The following ZSWIM5 variants were observed in gnomAD, a reference collection of about 807,000 sequenced individuals.
The protein encoded by ZSWIM5 is zinc finger SWIM-type containing 5.
In ZSWIM5, 55 loss-of-function variants were observed where a neutral mutation model predicts 119.6. That is an observed-to-expected ratio of 0.46 (90% confidence interval 0.37 to 0.58). The LOEUF (loss-of-function observed/expected upper bound fraction) is 0.58, where lower values mean the gene tolerates loss of function less well. ZSWIM5 is among the 20% of genes least tolerant of loss of function. ZSWIM5 has a pLI of 0.00. For synonymous variants in ZSWIM5, 537 were observed against 606.9 expected (o/e 0.88, Z 1.69); for missense variants, 1,193 against 1,512.8 (o/e 0.79, Z 3.51).
intron 11 of ZSWIM5, among the ~76,000 whole-genome samples, chr1:45,025,951 A>G (rs1184537735): frequency 6.6e-6 from 1 of 152,210 alleles, no homozygotes; most frequent in African/African-American, 2.4e-5. Context: ...GATGCTGAAT[A>G]AAAGTGGCAA....
chr1:45,164,277 T>C (rs1460175153), intron 1 of ZSWIM5, among the ~76,000 whole-genome samples: 1 of 152,100 alleles, frequency 6.6e-6, no homozygotes, highest in African/African-American at 2.4e-5. Flanking sequence ...TGCTGAGAGA[T>C]TTTGTCACCA....
At chr1:45,052,967 C>CA (rs1645098437) in intron 4 of ZSWIM5, among the ~76,000 whole-genome samples, 1 of 151,294 alleles carries the variant, frequency 6.6e-6, no homozygotes, top group Non-Finnish European at 1.5e-5. Context: ...ACTAAAAATA[C>CA]AAAAAATTAG....
Position 45,136,136 on chromosome 1 carries a change from C to T in ZSWIM5, c.596-47899G>A, listed in dbSNP as rs146988416. On this transcript the variant is annotated intron_variant, in intron 1 of 13. Coordinates refer to ENST00000359600, the MANE Select transcript of ZSWIM5 (RefSeq NM_020883.2). ...TCAGCCTCCCAAAGTGCTAGGATTACAGGCGTGAGCCACTGTGCCCAGCCT... is the reference window on the plus strand; with the variant it reads ...TCAGCCTCCCAAAGTGCTAGGATTATAGGCGTGAGCCACTGTGCCCAGCCT... Among the ~76,000 whole-genome samples, 417 of 152,278 alleles carry T rather than the reference C, an allele frequency of 2.7e-3. 2 individuals are homozygous for T. Among genetic ancestry groups the T allele is most frequent in the African/African-American group, 9.4e-3 (390 of 41,548 alleles).
chr1:45,182,407 AAAAC>A lies in ZSWIM5; in HGVS notation c.595+23345_595+23348del, dbSNP rs1220706124. Among the ~76,000 whole-genome samples, 371 of 126,470 alleles carry A rather than the reference AAAAC, an allele frequency of 2.9e-3. 13 individuals carry two copies. The highest frequency in any genetic ancestry group is 7.6e-3 in the South Asian group (34 of 4,458). 83.0% of individuals were successfully genotyped at this position (126,470 alleles called of 152,430 possible). A position where few individuals can be genotyped will look rare whatever the true frequency, so the allele number is the denominator to read the frequency against. ...CGACAGAACGAGACTCCGTCTCAAA[AAAAC>A]AAACAAACAAACAAACAAACAAACA... is the stretch of plus-strand genomic sequence containing the variant. On this transcript the variant is annotated intron_variant, in intron 1 of 13. Transcript: ENST00000359600.
intron 6 of ZSWIM5, among the ~76,000 whole-genome samples, chr1:45,042,491 G>C (rs779364724): frequency 6.6e-6 from 1 of 152,208 alleles, no homozygotes; most frequent in Non-Finnish European, 1.5e-5. Flanking sequence ...GCTTTCAAGA[G>C]AGAGAGGGGC....
At chr1:45,168,664 CAAAAAAAAAAAA>C (rs1024002696) in intron 1 of ZSWIM5, among the ~76,000 whole-genome samples, 4 of 39,232 alleles carry the variant, frequency 1.0e-4, no homozygotes, top group East Asian at 8.2e-4. Context: ...GACTCCATCT[CAAAAAAAAAAAA>C]AAAAAAAAAG....
At chr1:45,183,732 G>A (rs1055460907) in intron 1 of ZSWIM5, among the ~76,000 whole-genome samples, 107 of 152,270 alleles carry the variant, frequency 7.0e-4, no homozygotes, top group Non-Finnish European at 1.3e-3. Flanking sequence ...ACCAATAACA[G>A]GAGCTGAAAT....
intron 9 of ZSWIM5, 21 bp from the exon 10 acceptor site, chr1:45,035,844 C>A (rs1644980074): frequency 6.2e-7 from 1 of 1,611,142 alleles, no homozygotes; most frequent in African/African-American, 1.3e-5. Context: ...ATAAGCCAGC[C>A]AGTTATTTAT....
chr1:45,020,185 A>G (rs764385480), intron 12 of ZSWIM5, 38 bp from the exon 13 acceptor site: 7 of 1,566,314 alleles, frequency 4.5e-6, no homozygotes, highest in Non-Finnish European at 6.2e-6. Context: ...GGCTATGCCT[A>G]ACTGTTGTGA....
chr1:45,201,226 T>G (rs188756514), intron 1 of ZSWIM5, among the ~76,000 whole-genome samples: 1 of 152,234 alleles, frequency 6.6e-6, no homozygotes, highest in East Asian at 1.9e-4. Context: ...AGCATAGCAC[T>G]GCCAACACCT....
chr1:45,130,162 T>C (rs1457609186), intron 1 of ZSWIM5, among the ~76,000 whole-genome samples: 1 of 152,134 alleles, frequency 6.6e-6, no homozygotes, highest in Non-Finnish European at 1.5e-5. Context: ...CCTCCCAAAG[T>C]GTTGGGATTA....
At chr1:45,035,257 C>A (rs930089619) in intron 10 of ZSWIM5, among the ~76,000 whole-genome samples, 2 of 152,154 alleles carry the variant, frequency 1.3e-5, no homozygotes, top group Non-Finnish European at 2.9e-5. Flanking sequence ...AAACAAGATG[C>A]CCATAGCTCA....
chr1:45,155,602 G>C (rs554574587), intron 1 of ZSWIM5, among the ~76,000 whole-genome samples: 1 of 152,236 alleles, frequency 6.6e-6, no homozygotes, highest in South Asian at 2.1e-4. Context: ...CTATAAACCT[G>C]CAACTGCAAA....
chr1:45,138,883 TTTTTC>T (rs2149033404), intron 1 of ZSWIM5, among the ~76,000 whole-genome samples: 1 of 150,212 alleles, frequency 6.7e-6, no homozygotes, highest in East Asian at 2.0e-4. Flanking sequence ...TTCGTTTTTC[TTTTTC>T]TTTTTCTTTT....
intron 5 of ZSWIM5, among the ~76,000 whole-genome samples, chr1:45,047,719 G>T (rs1645064183): frequency 6.6e-6 from 1 of 152,162 alleles, no homozygotes; most frequent in Non-Finnish European, 1.5e-5. Flanking sequence ...CAGAGTAGAT[G>T]GGCAAAGACA....
In ZSWIM5 at chr1:45,019,324, G is replaced by A. The variant is rs1644873844; in HGVS notation, c.2696-8C>T. The A allele has an allele frequency of 1.2e-6, 2 of 1,604,128 alleles. No homozygotes were observed. Among genetic ancestry groups the A allele is most frequent in the East Asian group, 2.2e-5 (1 of 44,788 alleles). On this transcript the variant is annotated splice_polypyrimidine_tract_variant and splice_region_variant and intron_variant, in intron 13 of 13. Coordinates refer to ENST00000359600, the MANE Select transcript of ZSWIM5 (RefSeq NM_020883.2). The surrounding 1 kb of genome is among the most constrained non-coding windows in gnomAD (Gnocchi z 5.0). Reference sequence around the variant, plus strand: ...TCACCAGGGCCCGCACACCTGTCAGGGGGAGCCTGAGCTCAGCCGTGGCCA... The same window carrying A: ...TCACCAGGGCCCGCACACCTGTCAGAGGGAGCCTGAGCTCAGCCGTGGCCA...
At chr1:45,163,032 C>A (rs1027708999) in intron 1 of ZSWIM5, among the ~76,000 whole-genome samples, 1 of 152,164 alleles carries the variant, frequency 6.6e-6, no homozygotes, top group Non-Finnish European at 1.5e-5. Context: ...TCAAGTGGGT[C>A]CTTGACCCCC....
chr1:45,051,702 G>A (rs1009592423), intron 4 of ZSWIM5, among the ~76,000 whole-genome samples: 1 of 152,178 alleles, frequency 6.6e-6, no homozygotes, highest in Non-Finnish European at 1.5e-5. Context: ...TAGAGGAAGG[G>A]CATTTAACAC....
At chr1:45,097,221 C>A (rs912032774) in intron 1 of ZSWIM5, among the ~76,000 whole-genome samples, 12 of 152,142 alleles carry the variant, frequency 7.9e-5, no homozygotes, top group African/African-American at 2.9e-4. Flanking sequence ...TGGGGAATCC[C>A]GAGCATGGGC....
Sources: allele counts gnomAD v4.1 joint callset (sites outside exome capture counted in the v4.1 genomes callset), GRCh38; gene constraint gnomAD v4.1.1; non-coding constraint Gnocchi (gnomAD v3.1); transcripts MANE v1.5; gene names NCBI Gene and HGNC (gene_info 2026-07-23, HGNC 2026-07-21).